Variants in DUS2 observed in about 807,000 individuals in gnomAD.
DUS2 encodes dihydrouridine synthase 2, also known as tRNA-dihydrouridine(20) synthase [NAD(P)+]-like.
A neutral mutation model predicts 71.3 loss-of-function variants in DUS2; 52 were observed. That is an observed-to-expected ratio of 0.73 (90% CI 0.58 to 0.92). DUS2 has a LOEUF of 0.92. Among genes scored for constraint, DUS2 ranks in the 40% least tolerant of loss-of-function variants. The pLI is 0.00. For missense variants in DUS2, 558 were observed against 622.6 expected, an observed-to-expected ratio of 0.90 and a Z score of 1.10; for synonymous variants, 204 against 227.8, an observed-to-expected ratio of 0.90 and a Z score of 0.94.
intron 3 of DUS2, among the ~76,000 whole-genome samples, chr16:68,041,785 G>A (rs971486403): frequency 1.4e-4 from 21 of 150,160 alleles, no homozygotes; most frequent in Non-Finnish European, 4.4e-5. Flanking sequence ...ACTCCAGCCT[G>A]GGTGACAAGA....
intron 13 of DUS2, 148 bp from the exon 14 acceptor site, chr16:68,075,207 C>T: frequency 1.5e-6 from 1 of 659,040 alleles, no homozygotes; most frequent in Non-Finnish European, 2.4e-6. Flanking sequence ...CAGGGCTGGG[C>T]AGGGGGCACA....
At chr16:68,053,305 G>C (rs1598309167) in intron 4 of DUS2, among the ~76,000 whole-genome samples, 1 of 152,170 alleles carries the variant, frequency 6.6e-6, no homozygotes, top group East Asian at 1.9e-4. Context: ...CCACCATTCA[G>C]AAAAAGTGCA....
At chr16:68,031,325 C>G (rs1201392468) in intron 2 of DUS2, among the ~76,000 whole-genome samples, 4 of 152,072 alleles carry the variant, frequency 2.6e-5, no homozygotes, top group Admixed American at 2.6e-4. Context: ...CCGCCACACC[C>G]AGCTAATTTT....
intron 3 of DUS2, among the ~76,000 whole-genome samples, chr16:68,044,396 CTTTTTTTTTT>C (rs1001911267): frequency 7.4e-6 from 1 of 135,556 alleles, no homozygotes; most frequent in Non-Finnish European, 1.6e-5. Flanking sequence ...TCTTTAATTT[CTTTTTTTTTT>C]TTTTTTTGAG....
chr16:68,030,075 T>G (rs186473334), intron 2 of DUS2, among the ~76,000 whole-genome samples: 1 of 151,986 alleles, frequency 6.6e-6, no homozygotes, highest in East Asian at 2.0e-4. Flanking sequence ...AGCTTTGTCT[T>G]TGGGGAAAAT....
chr16:68,057,264 A>C (rs2033874080), intron 7 of DUS2, among the ~76,000 whole-genome samples: 1 of 135,388 alleles, frequency 7.4e-6, no homozygotes, highest in African/African-American at 3.3e-5. Context: ...AGAGAGAGAA[A>C]GAGAGAGAGA....
chr16:68,040,601 C>G (rs1368125264), intron 3 of DUS2, among the ~76,000 whole-genome samples: 1 of 152,126 alleles, frequency 6.6e-6, no homozygotes, highest in Non-Finnish European at 1.5e-5. Flanking sequence ...GTATAACTTA[C>G]AAATAAACAA....
chr16:68,040,233 C>T (rs2033602861), intron 3 of DUS2, among the ~76,000 whole-genome samples: 1 of 151,926 alleles, frequency 6.6e-6, no homozygotes, highest in African/African-American at 2.4e-5. Flanking sequence ...CACAGGTGCC[C>T]GCCTCCATGT....
intron 12 of DUS2, among the ~76,000 whole-genome samples, chr16:68,073,795 C>A (rs1163770994): frequency 6.6e-6 from 1 of 151,982 alleles, no homozygotes; most frequent in Non-Finnish European, 1.5e-5. Flanking sequence ...TCTTACGTTG[C>A]CCAGGCTGCT....
chr16:68,063,304 G>A (rs1461017742), intron 8 of DUS2, among the ~76,000 whole-genome samples: 1 of 152,204 alleles, frequency 6.6e-6, no homozygotes, highest in East Asian at 1.9e-4. Flanking sequence ...GGTCCAGACT[G>A]TGTTGGCAAG....
intron 8 of DUS2, among the ~76,000 whole-genome samples, chr16:68,063,886 C>A (rs2033973066): frequency 6.6e-6 from 1 of 152,116 alleles, no homozygotes; most frequent in African/African-American, 2.4e-5. Context: ...CAACACCCGG[C>A]TAATTTTTGT....
chr16:68,069,760 G>A (rs2034057749), intron 10 of DUS2, among the ~76,000 whole-genome samples: 1 of 152,214 alleles, frequency 6.6e-6, no homozygotes, highest in Non-Finnish European at 1.5e-5. Context: ...GAGAGGGCAG[G>A]ACTGGGACAG....
At chr16:68,051,272 G>T (rs1374178688) in intron 4 of DUS2, among the ~76,000 whole-genome samples, 1 of 152,192 alleles carries the variant, frequency 6.6e-6, no homozygotes, top group Non-Finnish European at 1.5e-5. Flanking sequence ...AACATCAAAT[G>T]AGCGGATACT....
intron 3 of DUS2, among the ~76,000 whole-genome samples, chr16:68,038,745 GATAAAA>G (rs1171447849): frequency 2.1e-5 from 3 of 141,104 alleles, no homozygotes; most frequent in East Asian, 2.0e-4. Context: ...AAAAAAAAAA[GATAAAA>G]ATAAAAAATA....
rs190772752 is a variant in DUS2, at chr16:68,036,640, A to G, written c.-18-1366A>G. 1.6e-3 allele frequency among the ~76,000 whole-genome samples: 240 copies of G among 152,284 alleles called. 2 individuals are homozygous for G. Among genetic ancestry groups the G allele is most frequent in the African/African-American group, 5.1e-3 (210 of 41,560 alleles). ...TTTTAAGTAGAGATGGGGTTTTGCC[A>G]TGTTGGCCAGGCTGGTCTCGAACTC... On this transcript the variant is annotated intron_variant, in intron 2 of 16. Transcript: ENST00000565263.
At position 68,060,715 on chromosome 16, in the gene DUS2, G is replaced by A. The variant is rs547270614; in HGVS notation, c.370-351G>A. Among the ~76,000 whole-genome samples, 43 of 152,292 alleles carry A rather than the reference G, an allele frequency of 2.8e-4. No homozygotes were observed. The East Asian group carries it at 8.1e-3, about 29-fold the overall frequency. ...ATTAAAAAATTAGCTAGGTGTGGTT[G>A]TGCATGCCTGCAATCCTGGCTACTC... On this transcript the variant is annotated intron_variant, in intron 7 of 16. Coordinates refer to ENST00000565263, the MANE Select transcript of DUS2 (RefSeq NM_017803.5).
chr16:68,074,201 C>G lies in DUS2; in HGVS notation c.932+46C>G, dbSNP rs1172705769. 5.6e-6 allele frequency: 9 copies of G among 1,609,976 alleles called. No individual in the cohort carries two copies. The East Asian group carries it at 2.0e-4, about 36-fold the overall frequency. ...TCCATCTGTCCTTGTACGCATTGCC[C>G]AAGTTTGACTTTGAGCCCTAAGCTG... is the stretch of plus-strand genomic sequence containing the variant. On this transcript the variant is annotated intron_variant, in intron 13 of 16. Coordinates refer to ENST00000565263, the MANE Select transcript of DUS2 (RefSeq NM_017803.5).
intron 2 of DUS2, among the ~76,000 whole-genome samples, chr16:68,034,772 C>T (rs976880425): frequency 3.3e-5 from 5 of 151,802 alleles, no homozygotes; most frequent in Non-Finnish European, 5.9e-5. Context: ...CCGAGGTGGG[C>T]GGATCACGAG....
chr16:68,049,846 G>C (rs1386757988), intron 4 of DUS2, among the ~76,000 whole-genome samples: 1 of 152,194 alleles, frequency 6.6e-6, no homozygotes, highest in East Asian at 1.9e-4. Flanking sequence ...CATTGGCCCT[G>C]GCTTGGCCAC....
Sources: allele counts gnomAD v4.1 joint callset (sites outside exome capture counted in the v4.1 genomes callset), GRCh38; gene constraint gnomAD v4.1.1; transcripts MANE v1.5; gene names NCBI Gene and HGNC (gene_info 2026-07-23, HGNC 2026-07-21).